PACRG: variants seen among roughly 807,000 people sequenced by gnomAD.
PACRG encodes parkin coregulated gene protein.
A neutral mutation model predicts 29.7 loss-of-function variants in PACRG; 29 were observed. The ratio of observed to expected loss-of-function variants is 0.98; its 90% CI spans 0.73 to 1.33. PACRG has a LOEUF of 1.33. Among genes scored for constraint, PACRG ranks in the 40% most tolerant of loss-of-function variants. The pLI is 0.00. For missense variants in PACRG, 279 were observed against 316.2 expected (o/e 0.88, Z 0.89); for synonymous variants, 116 against 118.7 (o/e 0.98, Z 0.15).
chr6:163,148,339 T>A (rs1018701676), intron 4 of PACRG, among the ~76,000 whole-genome samples: 1 of 152,218 alleles, frequency 6.6e-6, no homozygotes, highest in African/African-American at 2.4e-5. Flanking sequence ...TTTCATTGAA[T>A]AATTCATTTA....
At chr6:163,074,251 T>A (rs1411880242) in intron 3 of PACRG, among the ~76,000 whole-genome samples, 1 of 152,192 alleles carries the variant, frequency 6.6e-6, no homozygotes, top group African/African-American at 2.4e-5. Context: ...TAAAAAAGAA[T>A]GAGATCCTGT....
chr6:162,870,217 A>G (rs1792683465), intron 2 of PACRG, among the ~76,000 whole-genome samples: 2 of 152,332 alleles, frequency 1.3e-5, no homozygotes, highest in East Asian at 1.9e-4. Context: ...GAATGCATAC[A>G]AAGCAACTAG....
chr6:163,018,249 G>A (rs1465420282), intron 2 of PACRG, among the ~76,000 whole-genome samples: 2 of 151,956 alleles, frequency 1.3e-5, no homozygotes, highest in Non-Finnish European at 2.9e-5. Flanking sequence ...TACTACTGTA[G>A]CTACACTACC....
chr6:163,253,607 A>G (rs952627818), intron 4 of PACRG, among the ~76,000 whole-genome samples: 2 of 152,188 alleles, frequency 1.3e-5, no homozygotes, highest in African/African-American at 4.8e-5. Flanking sequence ...AAGCTTACTC[A>G]GCCAGGTGGT....
chr6:163,311,672 C>T (rs573102587), intron 4 of PACRG, among the ~76,000 whole-genome samples: 1 of 152,292 alleles, frequency 6.6e-6, no homozygotes, highest in East Asian at 1.9e-4. Flanking sequence ...CAATGATACG[C>T]ATTCTGCAAC....
intron 4 of PACRG, among the ~76,000 whole-genome samples, chr6:163,280,839 A>G (rs1784202187): frequency 6.6e-6 from 1 of 152,192 alleles, no homozygotes; most frequent in Admixed American, 6.5e-5. Flanking sequence ...TAGAGGTCCC[A>G]TCTCCAGATA....
At chr6:162,785,608 A>G (rs1784408135) in intron 1 of PACRG, among the ~76,000 whole-genome samples, 1 of 152,186 alleles carries the variant, frequency 6.6e-6, no homozygotes, top group Admixed American at 6.5e-5. Context: ...GGATGGCTTC[A>G]GGATGAAACC....
At chr6:163,143,017 C>T (rs764888327) in intron 4 of PACRG, among the ~76,000 whole-genome samples, 12 of 152,080 alleles carry the variant, frequency 7.9e-5, no homozygotes, top group Admixed American at 1.3e-4. Context: ...AAGAAGACAG[C>T]GGTGGAAACG....
chr6:163,072,548 C>T (rs995119690), intron 3 of PACRG, among the ~76,000 whole-genome samples: 1 of 152,052 alleles, frequency 6.6e-6, no homozygotes, highest in Non-Finnish European at 1.5e-5. Flanking sequence ...AAATCAGGAA[C>T]ACGACAGAGC....
At chr6:162,882,955 C>A (rs1249694783) in intron 2 of PACRG, among the ~76,000 whole-genome samples, 3 of 152,214 alleles carry the variant, frequency 2.0e-5, no homozygotes, top group African/African-American at 7.2e-5. Flanking sequence ...ACAATGGAAA[C>A]CCTCAGCCAG....
chr6:163,076,161 CAATT>C lies in PACRG; in HGVS notation c.464-13093_464-13090del, dbSNP rs538881586. Among the ~76,000 whole-genome samples, 601 of 152,234 alleles carry C rather than the reference CAATT, an allele frequency of 3.9e-3. 2 individuals carry two copies. The highest frequency in any genetic ancestry group is 6.9e-3 in the Non-Finnish European group (470 of 68,012). On this transcript the variant is annotated intron_variant, in intron 3 of 4. Coordinates refer to ENST00000366888, the MANE Select transcript of PACRG (RefSeq NM_001080379.2). ...GAGTGTTGATTCTAATTCTGGCAGA[CAATT>C]AATTGGACACAGACCCCAAACCTTG...
chr6:162,846,075 GAGGGAAGGA>G (rs2128418110), intron 2 of PACRG, among the ~76,000 whole-genome samples: 1 of 152,274 alleles, frequency 6.6e-6, no homozygotes, highest in Non-Finnish European at 1.5e-5. Context: ...CAGCGAAGGG[GAGGGAAGGA>G]AGGAAGCTGG....
chr6:163,141,458 T>TA (rs1487392910), intron 4 of PACRG, among the ~76,000 whole-genome samples: 15 of 144,594 alleles, frequency 1.0e-4, no homozygotes, highest in African/African-American at 3.6e-4. Flanking sequence ...TTTTTTTTTT[T>TA]AAAGCCAAAC....
At chr6:163,008,950 G>A (rs1203092730) in intron 2 of PACRG, among the ~76,000 whole-genome samples, 1 of 152,072 alleles carries the variant, frequency 6.6e-6, no homozygotes, top group Non-Finnish European at 1.5e-5. Flanking sequence ...CATTACCTGA[G>A]CTGGTTTCTG....
chr6:162,979,782 T>C (rs1019868802), intron 2 of PACRG, among the ~76,000 whole-genome samples: 17 of 152,150 alleles, frequency 1.1e-4, no homozygotes, highest in African/African-American at 4.1e-4. Flanking sequence ...TCAGAATAAA[T>C]AATATATGCA....
chr6:162,952,143 T>C lies in PACRG; in HGVS notation c.292-110007T>C, dbSNP rs1799701573. ...AGAGAGAGACTCATCTTCTAGTAAA[T>C]TAGCTCTTCCCTCCGTTTATTGTAA... On this transcript the variant is annotated intron_variant, in intron 2 of 4. Coordinates refer to ENST00000366888, the MANE Select transcript of PACRG (RefSeq NM_001080379.2). Among the ~76,000 whole-genome samples, 3 of 152,190 alleles carry C rather than the reference T, an allele frequency of 2.0e-5. 1 individual carries two copies. The South Asian group carries it at 6.2e-4, about 32-fold the overall frequency.
chr6:162,769,321 T>C (rs1783032607), intron 1 of PACRG, among the ~76,000 whole-genome samples: 1 of 129,842 alleles, frequency 7.7e-6, no homozygotes, highest in Admixed American at 7.0e-5. Flanking sequence ...TTCGAGGTGG[T>C]TTTTTACTGC....
At chr6:163,103,160 G>T (rs1359190159) in intron 4 of PACRG, among the ~76,000 whole-genome samples, 1 of 152,176 alleles carries the variant, frequency 6.6e-6, no homozygotes, top group Non-Finnish European at 1.5e-5. Context: ...AATCTAATAA[G>T]GGGATCAAAG....
At chr6:163,120,465 G>T (rs912017525) in intron 4 of PACRG, among the ~76,000 whole-genome samples, 2 of 152,130 alleles carry the variant, frequency 1.3e-5, no homozygotes, top group Non-Finnish European at 2.9e-5. Flanking sequence ...TCCTATTAGA[G>T]TTTGAAGGCC....
Sources: allele counts gnomAD v4.1 joint callset (sites outside exome capture counted in the v4.1 genomes callset), GRCh38; gene constraint gnomAD v4.1.1; transcripts MANE v1.5; gene names NCBI Gene and HGNC (gene_info 2026-07-23, HGNC 2026-07-21).